ADAMTSL1: variants seen among roughly 807,000 people sequenced by gnomAD.
The protein encoded by ADAMTSL1 is ADAMTS-like protein 1.
ADAMTSL1 carries 126 observed loss-of-function variants against 201.8 expected under a neutral mutation model. The observed-to-expected ratio is 0.62, with a 90% CI of 0.54 to 0.72. ADAMTSL1 has a LOEUF of 0.72. Among genes scored for constraint, ADAMTSL1 ranks in the 30% least tolerant of loss-of-function variants. The probability of loss-of-function intolerance (pLI) is 0.00; values close to 1 mark genes in which losing one functional copy is unlikely to be tolerated. For synonymous variants in ADAMTSL1, 1,121 were observed against 903.4 expected (o/e 1.24, Z -4.32); for missense variants, 2,679 against 2,277.8 (o/e 1.18, Z -3.59).
chr9:18,091,363 A>G (rs1160969774), intron 1 of ADAMTSL1, among the ~76,000 whole-genome samples: 1 of 152,142 alleles, frequency 6.6e-6, no homozygotes, highest in Non-Finnish European at 1.5e-5. Context: ...TATTTTATAA[A>G]AAAGGAACAT....
Position 18,837,500 on chromosome 9 carries a change from G to T in ADAMTSL1, c.4249+7523G>T, listed in dbSNP as rs1329823016. ...CTACTTAATGCCCTATAAATCATAA[G>T]GTCTGGCTTGTGGAAACAGATACTA... On this transcript the variant is annotated intron_variant, in intron 23 of 28. Coordinates refer to ENST00000380548, the MANE Select transcript of ADAMTSL1 (RefSeq NM_001040272.6). Among the ~76,000 whole-genome samples, 3 of 152,226 alleles carry T rather than the reference G, an allele frequency of 2.0e-5. No homozygotes were observed. The Middle Eastern group carries it at 0.01, about 518-fold the overall frequency.
chr9:18,357,120 G>A (rs1836285139), intron 2 of ADAMTSL1, among the ~76,000 whole-genome samples: 1 of 152,094 alleles, frequency 6.6e-6, no homozygotes, highest in South Asian at 2.1e-4. Flanking sequence ...ATTTGCAAAA[G>A]TTATTGGATG....
intron 1 of ADAMTSL1, among the ~76,000 whole-genome samples, chr9:18,112,719 T>C (rs555861822): frequency 1.3e-5 from 2 of 152,254 alleles, no homozygotes; most frequent in East Asian, 3.9e-4. Flanking sequence ...TTTCATTTGG[T>C]AGACATTTGT....
intron 2 of ADAMTSL1, among the ~76,000 whole-genome samples, chr9:18,257,405 C>T (rs558905223): frequency 2.0e-4 from 30 of 152,194 alleles, no homozygotes; most frequent in Middle Eastern, 3.4e-3. Flanking sequence ...GTTCAATAAG[C>T]GCATGAAAAG....
chr9:18,358,975 G>T (rs1370893458), intron 2 of ADAMTSL1, among the ~76,000 whole-genome samples: 2 of 152,042 alleles, frequency 1.3e-5, no homozygotes, highest in African/African-American at 4.8e-5. Flanking sequence ...GTGGGGTAGG[G>T]GTTGGGAGTG....
chr9:18,085,486 T>TATATATATATACTGTGTGTGC (rs1554692342), intron 1 of ADAMTSL1, among the ~76,000 whole-genome samples: 7,356 of 144,732 alleles, frequency 0.051, 217 homozygotes, highest in Middle Eastern at 0.086. Flanking sequence ...TGTGTGCATA[T>TATATATATATACTGTGTGTGC]ATATATATAT....
chr9:18,470,148 A>G (rs1821151105), upstream of ADAMTSL1, among the ~76,000 whole-genome samples: 1 of 152,210 alleles, frequency 6.6e-6, no homozygotes, highest in Non-Finnish European at 1.5e-5. Flanking sequence ...CTGCCTGCTA[A>G]TAACTTTGAT....
chr9:18,807,544 C>T (rs186238634), intron 20 of ADAMTSL1, among the ~76,000 whole-genome samples: 17 of 151,434 alleles, frequency 1.1e-4, no homozygotes, highest in African/African-American at 3.9e-4. Context: ...AGTCGGGAGC[C>T]TGAGGCGGGA....
At chr9:18,493,084 G>A (rs1822344895) in intron 1 of ADAMTSL1, among the ~76,000 whole-genome samples, 1 of 152,086 alleles carries the variant, frequency 6.6e-6, no homozygotes, top group South Asian at 2.1e-4. Context: ...TAGCTTCAAG[G>A]ACATTGTATT....
intron 2 of ADAMTSL1, among the ~76,000 whole-genome samples, chr9:18,243,017 G>A (rs1480945929): frequency 3.9e-5 from 6 of 151,942 alleles, no homozygotes; most frequent in Non-Finnish European, 7.4e-5. Flanking sequence ...AACCATAAAA[G>A]ACCCTGAATA....
chr9:18,038,971 A>T (rs1821322043), intron 1 of ADAMTSL1, among the ~76,000 whole-genome samples: 1 of 152,222 alleles, frequency 6.6e-6, no homozygotes, highest in African/African-American at 2.4e-5. Context: ...TATCTTCTAT[A>T]AAACTCATGT....
intron 20 of ADAMTSL1, among the ~76,000 whole-genome samples, chr9:18,806,739 C>T (rs1336806886): frequency 6.6e-6 from 1 of 152,216 alleles, no homozygotes; most frequent in Non-Finnish European, 1.5e-5. Flanking sequence ...GATTTCTGAG[C>T]ATTGCTCCAG....
chr9:18,412,471 C>G (rs1042598143), intron 2 of ADAMTSL1, among the ~76,000 whole-genome samples: 2 of 152,150 alleles, frequency 1.3e-5, no homozygotes, highest in Non-Finnish European at 2.9e-5. Context: ...TTTATTAACT[C>G]TTTTTCATAA....
intron 2 of ADAMTSL1, among the ~76,000 whole-genome samples, chr9:18,321,792 C>T (rs10810956): frequency 0.31 from 47,401 of 151,814 alleles, 8,333 homozygotes; most frequent in Admixed American, 0.5. Flanking sequence ...GACTCCATGT[C>T]AAAAAAACCA....
intron 25 of ADAMTSL1, 30 bp from the exon 26 acceptor site, chr9:18,892,359 G>T (rs1262025193): frequency 6.3e-7 from 1 of 1,596,156 alleles, no homozygotes; most frequent in Admixed American, 1.7e-5. Context: ...GTCCCTTTAG[G>T]GCTCTCCTGA....
chr9:18,625,772 C>G (rs1175711197), intron 5 of ADAMTSL1, among the ~76,000 whole-genome samples: 1 of 152,206 alleles, frequency 6.6e-6, no homozygotes, highest in African/African-American at 2.4e-5. Flanking sequence ...TTGCAGAACT[C>G]TCGTCTGTAT....
rs967099976 is a variant in ADAMTSL1, at chr9:18,684,730, G to A, written c.1504G>A (p.Glu502Lys). The A allele has an allele frequency of 1.2e-5, 19 of 1,612,810 alleles. No individual in the cohort carries two copies. Among genetic ancestry groups the A allele is most frequent in the East Asian group, 6.7e-5 (3 of 44,866 alleles). The change falls in exon 13 of 29, where the codon GAG becomes AAG. Residue 502 changes from glutamate to lysine, a missense_variant. Physicochemically the swap from Glu to Lys is moderately conservative, Grantham distance 56. Coordinates refer to ENST00000380548, the MANE Select transcript of ADAMTSL1 (RefSeq NM_001040272.6). Reference protein sequence around the residue: ...CYKPKEKLPVEAKLPWFKQAQ... With the variant: ...CYKPKEKLPVKAKLPWFKQAQ... ...TGAATTCTCAGAGAAACTTCCAGTC[G>A]AGGCCAAGTTGCCATGGTTCAAACA...
At chr9:18,197,690 G>A (rs1829243813) in intron 2 of ADAMTSL1, among the ~76,000 whole-genome samples, 2 of 150,020 alleles carry the variant, frequency 1.3e-5, no homozygotes, top group African/African-American at 4.9e-5. Flanking sequence ...CTGCCTAATT[G>A]CCCTGGCCAG....
intron 9 of ADAMTSL1, among the ~76,000 whole-genome samples, chr9:18,669,807 C>G (rs1829702006): frequency 6.6e-6 from 1 of 152,150 alleles, no homozygotes; most frequent in Non-Finnish European, 1.5e-5. Flanking sequence ...CTTACTTCAT[C>G]TTAAAACTTC....
Sources: gnomAD v4.1 joint callset for allele counts (sites outside exome capture counted in the v4.1 genomes callset) on GRCh38, gnomAD v4.1.1 for gene constraint, MANE v1.5 for transcripts, NCBI Gene and HGNC (gene_info 2026-07-23, HGNC 2026-07-21) for gene names.